TCERG1L: variants seen among roughly 807,000 people sequenced by gnomAD.
TCERG1L encodes the protein transcription elongation regulator 1-like protein.
In TCERG1L, 37 loss-of-function variants were observed where a neutral mutation model predicts 56.3. The ratio of observed to expected loss-of-function variants is 0.66; its 90% CI spans 0.51 to 0.87. The LOEUF is 0.87. Ranked by LOEUF, TCERG1L falls within the 40% of genes least tolerant of loss-of-function variation. The pLI, the probability that TCERG1L is intolerant of heterozygous loss-of-function variation, is 0.00. For missense variants in TCERG1L, 799 were observed against 774.2 expected (o/e 1.03, Z -0.38); for synonymous variants, 324 against 326.3 (o/e 0.99, Z 0.08).
chr10:131,152,788 G>T (rs1319866406), intron 6 of TCERG1L, among the ~76,000 whole-genome samples: 1 of 152,178 alleles, frequency 6.6e-6, no homozygotes, highest in Middle Eastern at 3.2e-3. Flanking sequence ...CCACATGGCT[G>T]GGGAGGCCTC....
At chr10:131,095,388 GC>G (rs1365067293) in intron 11 of TCERG1L, 5 of 152,400 alleles carry the variant, frequency 3.3e-5, no homozygotes, top group African/African-American at 1.2e-4. Flanking sequence ...ATTCCCACAG[GC>G]TGCTCAGGAC....
intron 4 of TCERG1L, among the ~76,000 whole-genome samples, chr10:131,238,957 TCCTGCCTC>T (rs551184802): frequency 4.4e-4 from 67 of 152,316 alleles, no homozygotes; most frequent in African/African-American, 1.2e-3. Flanking sequence ...CCTGCTGCTC[TCCTGCCTC>T]CCTGCCTCCC....
chr10:131,248,959 C>T (rs117480563), intron 4 of TCERG1L, among the ~76,000 whole-genome samples: 9 of 152,316 alleles, frequency 5.9e-5, no homozygotes, highest in Non-Finnish European at 1.2e-4. Context: ...GCAGGACCAG[C>T]CGCCCCGGGG....
chr10:131,145,018 T>C (rs1845781157), intron 7 of TCERG1L, among the ~76,000 whole-genome samples: 1 of 152,250 alleles, frequency 6.6e-6, no homozygotes, highest in East Asian at 1.9e-4. Flanking sequence ...GCATTGCCTT[T>C]AATAAGTTCA....
At chr10:131,173,727 G>C (rs73394564) in intron 4 of TCERG1L, among the ~76,000 whole-genome samples, 3,011 of 152,348 alleles carry the variant, frequency 0.02, 120 homozygotes, top group African/African-American at 0.068. Context: ...TGTAGTGCAG[G>C]GAAGGTTGGT....
rs188358204 is a variant in TCERG1L, at chr10:131,264,580, G to A, written c.671-4136C>T. On this transcript the variant is annotated intron_variant, in intron 3 of 11. Transcript: ENST00000368642. ...CGTCCCCACACCAGGCTCTTGCTTA[G>A]CCAGGCATGGCAGGCTTGAGGGAGC... Among the ~76,000 whole-genome samples the A allele has an allele frequency of 5.9e-3, 905 of 152,326 alleles. 10 individuals are homozygous for A. The highest frequency in any genetic ancestry group is 0.02 in the African/African-American group (850 of 41,592).
intron 3 of TCERG1L, among the ~76,000 whole-genome samples, chr10:131,284,708 A>C (rs944695907): frequency 6.6e-6 from 1 of 152,146 alleles, no homozygotes; most frequent in Non-Finnish European, 1.5e-5. Context: ...ATTAAAAAAG[A>C]TAACTATTAT....
chr10:131,093,559 G>A (rs1010870007), intron 11 of TCERG1L, among the ~76,000 whole-genome samples: 6 of 152,156 alleles, frequency 3.9e-5, no homozygotes, highest in East Asian at 1.9e-4. Context: ...AGTGGTCTCC[G>A]GAAATGAGCG....
chr10:131,115,969 G>A (rs1457889241), intron 9 of TCERG1L, among the ~76,000 whole-genome samples: 21 of 152,204 alleles, frequency 1.4e-4, no homozygotes, highest in African/African-American at 4.8e-4. Flanking sequence ...CAGCCTGAGG[G>A]GTGGGTGCTG....
chr10:131,136,621 G>A (rs1057037646), intron 7 of TCERG1L, among the ~76,000 whole-genome samples: 13 of 151,856 alleles, frequency 8.6e-5, no homozygotes, highest in African/African-American at 2.7e-4. Flanking sequence ...TCAGCCTCCC[G>A]AGCAGCTGGA....
chr10:131,127,684 C>A (rs991059591), intron 8 of TCERG1L, among the ~76,000 whole-genome samples: 1 of 152,168 alleles, frequency 6.6e-6, no homozygotes, highest in African/African-American at 2.4e-5. Context: ...CCCCCCGTCA[C>A]AATCACAGAC....
chr10:131,125,637 C>A (rs1001705378), intron 8 of TCERG1L, among the ~76,000 whole-genome samples: 4 of 152,214 alleles, frequency 2.6e-5, no homozygotes, highest in African/African-American at 9.6e-5. Context: ...ATTGGCACAT[C>A]CATCAGGGTG....
chr10:131,149,033 ACTTTCCAGCTC>A (rs1845834691), intron 6 of TCERG1L, among the ~76,000 whole-genome samples: 1 of 151,328 alleles, frequency 6.6e-6, no homozygotes. Context: ...TGCCTGGCAA[ACTTTCCAGCTC>A]CAGCCCTGCC....
rs1112227 is a variant in TCERG1L at position 131,118,041 on chromosome 10, T to C, written c.1260-1107A>G. On this transcript the variant is annotated intron_variant, in intron 8 of 11. Coordinates refer to ENST00000368642, the MANE Select transcript of TCERG1L (RefSeq NM_174937.4). This position sits in a 1 kb window ranked among gnomAD's most constrained non-coding sequence, Gnocchi z 4.2. ...ACGGGCAGACTCAACCCGCGCTGGG[T>C]TGGCGCACCCTCACTCTGACCATGC... Among the ~76,000 whole-genome samples the C allele has an allele frequency of 0.13, 20,224 of 152,118 alleles. 1,711 individuals are homozygous for C. Among genetic ancestry groups the C allele is most frequent in the East Asian group, 0.36 (1,846 of 5,106 alleles).
At chr10:131,262,610 G>A (rs1477446990) in intron 3 of TCERG1L, among the ~76,000 whole-genome samples, 4 of 152,154 alleles carry the variant, frequency 2.6e-5, no homozygotes, top group East Asian at 3.9e-4. Context: ...TGGCATCAGC[G>A]TGGTGGGTTT....
intron 4 of TCERG1L, among the ~76,000 whole-genome samples, chr10:131,187,379 C>A (rs1007293423): frequency 6.6e-6 from 1 of 152,180 alleles, no homozygotes; most frequent in African/African-American, 2.4e-5. Context: ...GAGAAGTTTG[C>A]CCTCCAGACT....
At chr10:131,277,940 G>T (rs1396860615) in intron 3 of TCERG1L, among the ~76,000 whole-genome samples, 2 of 152,152 alleles carry the variant, frequency 1.3e-5, no homozygotes, top group East Asian at 3.9e-4. Context: ...GGGCTCAGGG[G>T]CCATCCTGAG....
intron 4 of TCERG1L, among the ~76,000 whole-genome samples, chr10:131,222,158 C>A (rs1845740325): frequency 6.6e-6 from 1 of 152,184 alleles, no homozygotes; most frequent in Non-Finnish European, 1.5e-5. Context: ...AGTTCCAGAC[C>A]ATTAAGGTGG....
chr10:131,163,059 C>T, intron 6 of TCERG1L, 63 bp downstream of exon 6: 2 of 1,309,134 alleles, frequency 1.5e-6, no homozygotes, highest in Non-Finnish European at 1.0e-6. Flanking sequence ...TTGGTGACAT[C>T]AGGCAAATGC....
Sources: allele counts gnomAD v4.1 joint callset (sites outside exome capture counted in the v4.1 genomes callset), GRCh38; gene constraint gnomAD v4.1.1; non-coding constraint Gnocchi (gnomAD v3.1); transcripts MANE v1.5; gene names NCBI Gene and HGNC (gene_info 2026-07-23, HGNC 2026-07-21).